The following DNAJC16 variants were observed in gnomAD, a reference collection of about 807,000 sequenced individuals.
DNAJC16 encodes the protein dnaJ homolog subfamily C member 16.
DNAJC16 carries 76 observed loss-of-function variants against 92.7 expected under a neutral mutation model. The observed-to-expected ratio is 0.82, with a 90% CI of 0.68 to 0.99. The LOEUF (loss-of-function observed/expected upper bound fraction) is 0.99, where lower values mean the gene tolerates loss of function less well. Ranked by LOEUF, DNAJC16 falls within the 50% of genes least tolerant of loss-of-function variation. The probability of loss-of-function intolerance (pLI) is 0.00; values close to 1 mark genes in which losing one functional copy is unlikely to be tolerated. For synonymous variants in DNAJC16, 328 were observed against 358.7 expected, an observed-to-expected ratio of 0.91 and a Z score of 0.97; for missense variants, 869 against 942.4, an observed-to-expected ratio of 0.92 and a Z score of 1.02.
Position 15,568,368 on chromosome 1 carries a change from G to C in DNAJC16, c.*191G>C, listed in dbSNP as rs1570934901. 6.8e-5 allele frequency: 38 copies of C among 558,116 alleles called. No individual in the cohort carries two copies. In the South Asian group the frequency reaches 9.8e-4, roughly 14 times the overall value. 34.6% of individuals were successfully genotyped at this position (558,116 alleles called of 1,614,324 possible). ...ATGAAAAACACCACCAGTTTGAATC[G>C]CCTAGATGAAAATCTTTTCCTCTGG... is the stretch of plus-strand genomic sequence containing the variant. On this transcript the variant is annotated 3_prime_UTR_variant, in exon 15 of 15. Transcript: ENST00000375847.
In DNAJC16 at chr1:15,562,570, C is replaced by T. The variant is rs530080909; in HGVS notation, c.1338+245C>T. On this transcript the variant is annotated intron_variant, in intron 9 of 14. Coordinates refer to ENST00000375847, the MANE Select transcript of DNAJC16 (RefSeq NM_015291.4). The stretch of plus-strand genomic sequence containing the variant: ...ACATGATCTCAGCTCATTACAGCCT[C>T]GACCTCCCAGGCTCAAGTGATCCTC... Among the ~76,000 whole-genome samples the T allele has an allele frequency of 9.2e-5, 14 of 151,678 alleles. No individual in the cohort carries two copies. In the East Asian group the frequency reaches 1.4e-3, roughly 15 times the overall value.
Position 15,565,954 on chromosome 1 carries a change from C to A in DNAJC16, c.1634C>A (p.Ser545Tyr), listed in dbSNP as rs773424038. The A allele has an allele frequency of 1.9e-6, 3 of 1,613,822 alleles. No homozygotes were observed. Among genetic ancestry groups the A allele is most frequent in the Non-Finnish European group, 2.5e-6 (3 of 1,180,016 alleles). ...EMMPLLSLIF[S>Y]ALFILFGTVI... ...ATGCCCCTGCTGTCCCTGATCTTCT[C>A]TGCCCTCTTCATCCTCTTCGGCACT... The change falls in exon 12 of 15, where the codon TCT (serine) becomes TAT (tyrosine). Residue 545 changes from serine (S) to tyrosine (Y), a missense_variant. Physicochemically the swap from Ser to Tyr is moderately radical, Grantham distance 144. Coordinates refer to ENST00000375847, the MANE Select transcript of DNAJC16 (RefSeq NM_015291.4).
chr1:15,553,699 C>A (rs1638500653), intron 7 of DNAJC16, among the ~76,000 whole-genome samples: 1 of 152,090 alleles, frequency 6.6e-6, no homozygotes, highest in African/African-American at 2.4e-5. Context: ...TGTCATCAGC[C>A]CAGAAGGCCC....
chr1:15,539,554 T>TC (rs1397926389), intron 4 of DNAJC16, among the ~76,000 whole-genome samples: 2 of 151,908 alleles, frequency 1.3e-5, no homozygotes, highest in East Asian at 3.9e-4. Context: ...CTTTTTTTTT[T>TC]CTTTTTCTTT....
intron 7 of DNAJC16, among the ~76,000 whole-genome samples, chr1:15,549,912 A>G (rs1638404597): frequency 6.6e-6 from 1 of 151,866 alleles, no homozygotes; most frequent in East Asian, 1.9e-4. Flanking sequence ...CTATTTAAAT[A>G]TTGTTGTTGT....
At chr1:15,563,610 G>A (rs1348993425) in intron 9 of DNAJC16, among the ~76,000 whole-genome samples, 1 of 143,950 alleles carries the variant, frequency 6.9e-6, no homozygotes, top group South Asian at 2.2e-4. Context: ...GGCAGATCAC[G>A]AGGTCAGGAG....
intron 2 of DNAJC16, among the ~76,000 whole-genome samples, chr1:15,530,468 G>A (rs1710629003): frequency 6.6e-6 from 1 of 152,176 alleles, no homozygotes; most frequent in African/African-American, 2.4e-5. Context: ...CAATGCCTTG[G>A]CCATGCCAAA....
At chr1:15,533,281 T>C (rs565115243) in intron 2 of DNAJC16, among the ~76,000 whole-genome samples, 1 of 152,314 alleles carries the variant, frequency 6.6e-6, no homozygotes, top group Non-Finnish European at 1.5e-5. Flanking sequence ...GAGGATGGCA[T>C]GAGTCCAGGA....
intron 7 of DNAJC16, among the ~76,000 whole-genome samples, chr1:15,551,960 G>A (rs1638452860): frequency 6.6e-6 from 1 of 151,746 alleles, no homozygotes. Context: ...GAACCCAGGA[G>A]GCAAAGGTTG....
At chr1:15,562,398 T>A in intron 9 of DNAJC16, 73 bp downstream of exon 9, 1 of 1,419,114 alleles carries the variant, frequency 7.0e-7, no homozygotes, top group Middle Eastern at 1.9e-4. Context: ...TCCTTCTTCC[T>A]TGAGAGTGTT....
intron 4 of DNAJC16, among the ~76,000 whole-genome samples, chr1:15,538,939 C>CA: frequency 6.6e-6 from 1 of 152,130 alleles, no homozygotes; most frequent in Non-Finnish European, 1.5e-5. Context: ...CGTGTTCTTC[C>CA]AGTTGGCTCT....
chr1:15,545,001 C>T (rs915053077), intron 5 of DNAJC16, among the ~76,000 whole-genome samples: 5 of 152,026 alleles, frequency 3.3e-5, no homozygotes, highest in South Asian at 4.1e-4. Flanking sequence ...ATATGTTTAA[C>T]GATCATATCT....
chr1:15,564,097 G>C lies in DNAJC16; in HGVS notation c.1507G>C (p.Asp503His). The change falls in exon 10 of 15, where the codon GAT (aspartate) becomes CAT (histidine). Residue 503 changes from aspartate (D) to histidine (H), a missense_variant. By Grantham distance (81) the Asp-to-His change is moderately conservative. Coordinates refer to ENST00000375847, the MANE Select transcript of DNAJC16 (RefSeq NM_015291.4). ...TGAAGCAGTGCTTCCTGACCTGACC[G>C]ATGAACTTGCCCCTGTGAGCATCGG... ...SSEAVLPDLT[D>H]ELAPVFLLRW... 1 of 1,614,084 alleles carries C rather than the reference G, an allele frequency of 6.2e-7. No homozygotes were observed. The highest frequency in any genetic ancestry group is 1.1e-5 in the South Asian group (1 of 91,072).
In DNAJC16 at chr1:15,568,383, T is replaced by C; in HGVS notation, c.*206T>C. Reference sequence around the variant, plus strand: ...AGTTTGAATCGCCTAGATGAAAATCTTTTCCTCTGGGTGTTATTTTTCCCC... The same window carrying C: ...AGTTTGAATCGCCTAGATGAAAATCCTTTCCTCTGGGTGTTATTTTTCCCC... On this transcript the variant is annotated 3_prime_UTR_variant, in exon 15 of 15. Coordinates refer to ENST00000375847, the MANE Select transcript of DNAJC16 (RefSeq NM_015291.4). 1 of 552,560 alleles carries C rather than the reference T, an allele frequency of 1.8e-6. No individual in the cohort carries two copies. The highest frequency in any genetic ancestry group is 3.2e-6 in the Non-Finnish European group (1 of 316,714). The allele number at this position is 552,560 out of a possible 1,614,324, so 34.2% of individuals were successfully genotyped here. A position where few individuals can be genotyped will look rare whatever the true frequency, so the allele number is the denominator to read the frequency against.
At position 15,567,114 on chromosome 1, in the gene DNAJC16, AG is replaced by A. The variant is rs780892209; in HGVS notation, c.1796del (p.Gly599AlafsTer5). 6.2e-7 allele frequency: 1 copy of A among 1,607,418 alleles called. No individual in the cohort carries two copies. Among genetic ancestry groups the A allele is most frequent in the Non-Finnish European group, 8.5e-7 (1 of 1,174,280 alleles). ...TTCTCCACAGCAAGATTCCTAAAAAAGGCTTTGTGGAGGTAACTGAACTCAC... is the reference window on the plus strand; with the variant it reads ...TTCTCCACAGCAAGATTCCTAAAAAAGCTTTGTGGAGGTAACTGAACTCAC... ...KENSSKIPKK[G>X]FVEVTELTDV... On this transcript the variant is annotated frameshift_variant, in exon 14 of 15. Transcript: ENST00000375847. LOFTEE classifies it high-confidence loss of function.
At position 15,554,399 on chromosome 1, in the gene DNAJC16, T is replaced by A. The variant is rs181394631; in HGVS notation, c.1024-5127T>A. Among the ~76,000 whole-genome samples the A allele has an allele frequency of 6.4e-4, 98 of 152,292 alleles. 1 individual carries two copies. The highest frequency in any genetic ancestry group is 7.8e-4 in the Non-Finnish European group (53 of 68,014). ...TCACTCATATCAATATTTTCCTTTGTGATTGGTTCTTCCTTGTTTCTATTT... is the reference window on the plus strand; with the variant it reads ...TCACTCATATCAATATTTTCCTTTGAGATTGGTTCTTCCTTGTTTCTATTT... On this transcript the variant is annotated intron_variant, in intron 7 of 14. Transcript: ENST00000375847.
intron 7 of DNAJC16, among the ~76,000 whole-genome samples, chr1:15,555,367 CA>C (rs1638544414): frequency 7.2e-6 from 1 of 139,230 alleles, no homozygotes; most frequent in South Asian, 2.3e-4. Context: ...AGCCTGGCTA[CA>C]GAGCAAGACT....
At chr1:15,544,640 T>A in intron 5 of DNAJC16, 57 bp downstream of exon 5, 1 of 1,551,584 alleles carries the variant, frequency 6.4e-7, no homozygotes, top group South Asian at 1.2e-5. Context: ...TACCTAGGAC[T>A]GTTAATTGCC....
intron 2 of DNAJC16, among the ~76,000 whole-genome samples, chr1:15,531,752 C>T (rs1208432351): frequency 2.0e-5 from 3 of 152,180 alleles, no homozygotes; most frequent in Non-Finnish European, 2.9e-5. Flanking sequence ...CAGTAAAAGT[C>T]TAAAATTTTA....
Sources: allele counts gnomAD v4.1 joint callset (sites outside exome capture counted in the v4.1 genomes callset), GRCh38; gene constraint gnomAD v4.1.1; transcripts MANE v1.5; gene names NCBI Gene and HGNC (gene_info 2026-07-23, HGNC 2026-07-21).